FAT3: variants seen among roughly 807,000 people sequenced by gnomAD.
The protein encoded by FAT3 is protocadherin Fat 3.
A neutral mutation model predicts 310.2 loss-of-function variants in FAT3; 95 were observed. The ratio of observed to expected loss-of-function variants is 0.31; its 90% CI spans 0.26 to 0.36. The LOEUF (loss-of-function observed/expected upper bound fraction) is 0.36, where lower values mean the gene tolerates loss of function less well. Ranked by LOEUF, FAT3 falls within the 10% of genes least tolerant of loss-of-function variation. FAT3 has a pLI of 1.00. For missense variants in FAT3, 5,408 were observed against 5,715.6 expected, an observed-to-expected ratio of 0.95 and a Z score of 1.74; for synonymous variants, 2,314 against 2,192.9, an observed-to-expected ratio of 1.06 and a Z score of -1.54.
intron 3 of FAT3, among the ~76,000 whole-genome samples, chr11:92,538,188 G>A (rs956431110): frequency 2.6e-5 from 4 of 152,084 alleles, no homozygotes; most frequent in Non-Finnish European, 5.9e-5. Flanking sequence ...ATTCTATTAA[G>A]TGTATTATTC....
intron 2 of FAT3, among the ~76,000 whole-genome samples, chr11:92,507,668 G>A (rs1299995626): frequency 1.3e-5 from 2 of 148,704 alleles, no homozygotes; most frequent in South Asian, 4.2e-4. Context: ...ACACATATAT[G>A]TACACATATG....
intron 19 of FAT3, among the ~76,000 whole-genome samples, chr11:92,847,467 A>G (rs1222510631): frequency 1.3e-5 from 2 of 152,312 alleles, no homozygotes; most frequent in African/African-American, 4.8e-5. Context: ...TTCACAGAAT[A>G]TATCCCCATT....
Position 92,224,826 on chromosome 11 carries a change from C to T in FAT3, c.-366C>T, listed in dbSNP as rs761107056. 3.9e-5 allele frequency among the ~76,000 whole-genome samples: 6 copies of T among 152,014 alleles called. No individual in the cohort carries two copies. The highest frequency in any genetic ancestry group is 8.8e-5 in the Non-Finnish European group (6 of 67,980). ...GCAGCCAGGCGGCGAGCAGTAGCGGCGGCGGCTGCAGCTCGGAGCAGACAG... is the reference window on the plus strand; with the variant it reads ...GCAGCCAGGCGGCGAGCAGTAGCGGTGGCGGCTGCAGCTCGGAGCAGACAG... On this transcript the variant is annotated 5_prime_UTR_variant, in exon 1 of 28. Coordinates refer to ENST00000525166, the MANE Select transcript of FAT3 (RefSeq NM_001367949.2).
chr11:92,449,159 G>A lies in FAT3; in HGVS notation c.3293-75475G>A, dbSNP rs143563621. On this transcript the variant is annotated intron_variant, in intron 2 of 27. Transcript: ENST00000525166. ...GAGCCCGAGCAATGCCAATAAAAAA[G>A]CATCACTCCTCTCAGCCTGAGTACT... Among the ~76,000 whole-genome samples, 13 of 152,246 alleles carry A rather than the reference G, an allele frequency of 8.5e-5. No individual in the cohort carries two copies. In the East Asian group the frequency reaches 2.1e-3, roughly 25 times the overall value.
chr11:92,793,186 A>C (rs1947080730), intron 9 of FAT3, among the ~76,000 whole-genome samples: 1 of 152,166 alleles, frequency 6.6e-6, no homozygotes. Context: ...TAGCAAGGAA[A>C]ATTTCCTTTG....
At chr11:92,711,207 A>G (rs995519662) in intron 4 of FAT3, among the ~76,000 whole-genome samples, 2 of 152,134 alleles carry the variant, frequency 1.3e-5, no homozygotes, top group African/African-American at 4.8e-5. Context: ...CCTACATAAA[A>G]TTTGTGAAGA....
chr11:92,766,697 A>T (rs931790579), intron 6 of FAT3: 1 of 152,214 alleles, frequency 6.6e-6, no homozygotes, highest in Admixed American at 6.5e-5. Flanking sequence ...TTGCTACTCA[A>T]CATATTTGAA....
intron 2 of FAT3, among the ~76,000 whole-genome samples, chr11:92,404,987 C>T (rs1035072855): frequency 5.9e-5 from 9 of 152,148 alleles, no homozygotes; most frequent in African/African-American, 1.9e-4. Flanking sequence ...ATTATACCAC[C>T]GACTTTCCTG....
At chr11:92,284,452 C>G (rs1343591268) in intron 1 of FAT3, among the ~76,000 whole-genome samples, 1 of 152,012 alleles carries the variant, frequency 6.6e-6, no homozygotes. Flanking sequence ...AGGACTCCAT[C>G]TATTAGATTT....
chr11:92,655,737 G>A (rs1565490574), intron 3 of FAT3, among the ~76,000 whole-genome samples: 2 of 152,070 alleles, frequency 1.3e-5, no homozygotes, highest in African/African-American at 2.4e-5. Flanking sequence ...CTCTCTGCCT[G>A]TATTCAGCTA....
At chr11:92,315,287 A>C (rs970738853) in intron 1 of FAT3, among the ~76,000 whole-genome samples, 26 of 150,140 alleles carry the variant, frequency 1.7e-4, no homozygotes, top group African/African-American at 5.4e-4. Flanking sequence ...TACTCACTCT[A>C]TGGTTATTTG....
At chr11:92,263,708 T>A (rs1216878813) in intron 1 of FAT3, among the ~76,000 whole-genome samples, 1 of 152,064 alleles carries the variant, frequency 6.6e-6, no homozygotes, top group Non-Finnish European at 1.5e-5. Context: ...TAATTCAAAA[T>A]GATTAAAAAT....
chr11:92,623,835 C>A (rs1014878275), intron 3 of FAT3, among the ~76,000 whole-genome samples: 2 of 151,984 alleles, frequency 1.3e-5, no homozygotes, highest in East Asian at 3.9e-4. Flanking sequence ...CCCAGCTACT[C>A]GGGAGGCTGA....
chr11:92,542,061 G>A (rs780272085), intron 3 of FAT3, among the ~76,000 whole-genome samples: 4 of 151,876 alleles, frequency 2.6e-5, no homozygotes, highest in Admixed American at 1.3e-4. Context: ...AAATTTCAAC[G>A]AAAATGCCAA....
chr11:92,644,703 A>G (rs1335666813), intron 3 of FAT3, among the ~76,000 whole-genome samples: 3 of 152,226 alleles, frequency 2.0e-5, no homozygotes, highest in Non-Finnish European at 2.9e-5. Flanking sequence ...AAGATGACAT[A>G]CCAGGCTTGT....
At chr11:92,880,434 C>G (rs1478252857) in intron 22 of FAT3, among the ~76,000 whole-genome samples, 3 of 151,430 alleles carry the variant, frequency 2.0e-5, no homozygotes, top group Non-Finnish European at 4.4e-5. Flanking sequence ...ACATCTTCCT[C>G]CCCATCTTGG....
chr11:92,710,425 A>G (rs1438296155), intron 4 of FAT3, among the ~76,000 whole-genome samples: 1 of 152,184 alleles, frequency 6.6e-6, no homozygotes, highest in Non-Finnish European at 1.5e-5. Context: ...TTTGCCCTCC[A>G]AGGCCTAAGA....
At chr11:92,384,030 G>A (rs11822486) in intron 2 of FAT3, among the ~76,000 whole-genome samples, 43,837 of 151,922 alleles carry the variant, frequency 0.29, 9,192 homozygotes, top group African/African-American at 0.6. Context: ...CTAAAGCTCA[G>A]CAAAGAAATC....
At chr11:92,848,898 G>C (rs1398540307) in intron 19 of FAT3, among the ~76,000 whole-genome samples, 7 of 152,212 alleles carry the variant, frequency 4.6e-5, no homozygotes, top group Non-Finnish European at 1.0e-4. Context: ...TAGGTGACCA[G>C]GATAGGGGAT....
Sources: gnomAD v4.1 joint callset for allele counts (sites outside exome capture counted in the v4.1 genomes callset) on GRCh38, gnomAD v4.1.1 for gene constraint, MANE v1.5 for transcripts, NCBI Gene and HGNC (gene_info 2026-07-23, HGNC 2026-07-21) for gene names.